Variants in CCDC7 observed in about 807,000 individuals in gnomAD.
CCDC7 encodes the protein coiled-coil domain containing 7.
CCDC7 carries 183 observed loss-of-function variants against 196.9 expected under a neutral mutation model. The observed-to-expected ratio is 0.93, with a 90% CI of 0.82 to 1.05. The LOEUF is 1.05. Among genes scored for constraint, CCDC7 ranks in the 50% least tolerant of loss-of-function variants. The probability of loss-of-function intolerance (pLI) is 0.00; values close to 1 mark genes in which losing one functional copy is unlikely to be tolerated. For missense variants in CCDC7, 1,540 were observed against 1,482.2 expected (o/e 1.04, Z -0.64); for synonymous variants, 525 against 484.6 (o/e 1.08, Z -1.10).
intron 41 of CCDC7, among the ~76,000 whole-genome samples, chr10:32,874,619 CT>C (rs1302065499): frequency 6.6e-6 from 1 of 151,346 alleles, no homozygotes; most frequent in Non-Finnish European, 1.5e-5. Context: ...TATTTCATTA[CT>C]TTTTATGGCT....
chr10:32,558,227 T>C (rs1385911586), intron 13 of CCDC7, among the ~76,000 whole-genome samples: 1 of 152,202 alleles, frequency 6.6e-6, no homozygotes, highest in Non-Finnish European at 1.5e-5. Flanking sequence ...ATTATGAATA[T>C]CATATTCTTG....
At chr10:32,726,979 G>A (rs1006092589) in intron 26 of CCDC7, 147 bp downstream of exon 27, 2 of 526,332 alleles carry the variant, frequency 3.8e-6, no homozygotes, top group Non-Finnish European at 6.5e-6. Context: ...TAAGTAGAGA[G>A]CAAAAATGAA....
chr10:32,523,108 TG>T (rs1296138512), intron 11 of CCDC7, among the ~76,000 whole-genome samples: 1 of 152,230 alleles, frequency 6.6e-6, no homozygotes, highest in East Asian at 1.9e-4. Flanking sequence ...AAATGATTCA[TG>T]CACTGCAGAG....
rs188883776 is a variant in CCDC7, at chr10:32,708,739, G to A, written c.2459-2881G>A. On this transcript the variant is annotated intron_variant, in intron 24 of 41. Coordinates refer to ENST00000639629, the Ensembl canonical transcript of CCDC7. ...GAAAAAATGCTCATCATCACTGGCC[G>A]TCAGAGAAATGCAAATCAAAACCAC... 7.7e-3 allele frequency among the ~76,000 whole-genome samples: 1,168 copies of A among 152,206 alleles called. 15 individuals are homozygous for A. The highest frequency in any genetic ancestry group is 0.024 in the African/African-American group (1,009 of 41,528).
intron 18 of CCDC7, among the ~76,000 whole-genome samples, chr10:32,615,555 TG>T (rs1447534059): frequency 2.0e-5 from 3 of 152,258 alleles, no homozygotes; most frequent in South Asian, 4.2e-4. Flanking sequence ...TTGAGTTCTT[TG>T]TGATTCTGGA....
At chr10:32,621,393 TTATC>T (rs1350597582) in intron 18 of CCDC7, among the ~76,000 whole-genome samples, 1 of 152,156 alleles carries the variant, frequency 6.6e-6, no homozygotes. Flanking sequence ...CATGTTTTCA[TTATC>T]TGTCTGCTGC....
intron 8 of CCDC7, among the ~76,000 whole-genome samples, chr10:32,491,673 T>C (rs372770846): frequency 6.6e-6 from 1 of 152,148 alleles, no homozygotes; most frequent in Non-Finnish European, 1.5e-5. Context: ...ATTTGAAAAT[T>C]ATGACAGTAT....
At chr10:32,620,628 C>T (rs1234813156) in intron 18 of CCDC7, among the ~76,000 whole-genome samples, 1 of 152,104 alleles carries the variant, frequency 6.6e-6, no homozygotes, top group Non-Finnish European at 1.5e-5. Flanking sequence ...AGAGACACTG[C>T]TAGACACTGT....
At chr10:32,794,664 C>CAAATATATATA (rs2083257313) in intron 29 of CCDC7, among the ~76,000 whole-genome samples, 1 of 152,098 alleles carries the variant, frequency 6.6e-6, no homozygotes, top group South Asian at 2.1e-4. Flanking sequence ...ATTTGTATCT[C>CAAATATATATA]TCTAATATTA....
At chr10:32,778,878 G>T in intron 28 of CCDC7, 99 bp from the exon 30 acceptor site, 1 of 810,764 alleles carries the variant, frequency 1.2e-6, no homozygotes, top group Non-Finnish European at 2.0e-6. Context: ...AGTTCTCGTT[G>T]TAGAGATCTT....
intron 24 of CCDC7, among the ~76,000 whole-genome samples, chr10:32,707,333 A>G (rs561253369): frequency 9.2e-5 from 14 of 152,262 alleles, no homozygotes; most frequent in Admixed American, 5.9e-4. Context: ...AAATAGTAAG[A>G]GCTCTCTATG....
chr10:32,844,571 A>G (rs2093169253), intron 33 of CCDC7, among the ~76,000 whole-genome samples: 1 of 151,864 alleles, frequency 6.6e-6, no homozygotes, highest in Non-Finnish European at 1.5e-5. Flanking sequence ...CCCACAGTAG[A>G]TAGTGCTCTT....
intron 18 of CCDC7, among the ~76,000 whole-genome samples, chr10:32,606,299 G>A (rs989185766): frequency 1.3e-5 from 2 of 152,252 alleles, no homozygotes; most frequent in Non-Finnish European, 2.9e-5. Flanking sequence ...CAGAATGCAA[G>A]GGCAGAGCCC....
chr10:32,849,701 CA>C (rs34677799), intron 39 of CCDC7, among the ~76,000 whole-genome samples: 32,980 of 80,776 alleles, frequency 0.41, 2,659 homozygotes, highest in Non-Finnish European at 0.46. Context: ...GACTCCGTCT[CA>C]AAAAAAAAAA....
intron 32 of CCDC7, among the ~76,000 whole-genome samples, chr10:32,824,968 T>C (rs1350169300): frequency 6.6e-6 from 1 of 152,238 alleles, no homozygotes; most frequent in Non-Finnish European, 1.5e-5. Context: ...TAACTGATAA[T>C]GATTTCATCG....
Position 32,711,796 on chromosome 10 carries a change from G to T in CCDC7, c.2569+66G>T, listed in dbSNP as rs114772760. 1.7e-3 allele frequency: 1,487 copies of T among 855,756 alleles called. 13 individuals carry two copies. In the African/African-American group the frequency reaches 0.024, roughly 14 times the overall value. 53.0% of individuals were successfully genotyped at this position (855,756 alleles called of 1,614,324 possible). On this transcript the variant is annotated intron_variant, in intron 25 of 41. Transcript: ENST00000639629. ...AAATCTCAAAAGAACTTTTTTCTTTGGTTCATACTTACGTATTTGAGAACA... is the reference window on the plus strand; with the variant it reads ...AAATCTCAAAAGAACTTTTTTCTTTTGTTCATACTTACGTATTTGAGAACA...
intron 33 of CCDC7, among the ~76,000 whole-genome samples, chr10:32,838,902 A>G (rs2092793941): frequency 6.6e-6 from 1 of 152,048 alleles, no homozygotes; most frequent in Non-Finnish European, 1.5e-5. Context: ...TAAATGAAGG[A>G]AAGATACAGT....
At chr10:32,684,896 A>C (rs1455029346) in intron 21 of CCDC7, among the ~76,000 whole-genome samples, 1 of 152,062 alleles carries the variant, frequency 6.6e-6, no homozygotes, top group African/African-American at 2.4e-5. Context: ...TTTTCTCTTT[A>C]ATAGGTTCAC....
intron 9 of CCDC7, among the ~76,000 whole-genome samples, chr10:32,505,250 G>A (rs1056897006): frequency 1.3e-5 from 2 of 151,674 alleles, no homozygotes; most frequent in African/African-American, 4.9e-5. Flanking sequence ...ATGTGGCAGG[G>A]TCATAGGATA....
Sources: gnomAD v4.1 joint callset for allele counts (sites outside exome capture counted in the v4.1 genomes callset) on GRCh38, gnomAD v4.1.1 for gene constraint, MANE v1.5 for transcripts, NCBI Gene and HGNC (gene_info 2026-07-23, HGNC 2026-07-21) for gene names.